NREP: variants seen among roughly 807,000 people sequenced by gnomAD.
NREP encodes neuronal regeneration-related protein.
A neutral mutation model predicts 8.6 loss-of-function variants in NREP; 5 were observed. The ratio of observed to expected loss-of-function variants is 0.58; its 90% CI spans 0.30 to 1.22. The LOEUF is 1.22. Among genes scored for constraint, NREP ranks in the 50% most tolerant of loss-of-function variants. The probability of loss-of-function intolerance (pLI) is 0.07; values close to 1 mark genes in which losing one functional copy is unlikely to be tolerated. For missense variants in NREP, 86 were observed against 82.5 expected (o/e 1.04, Z -0.17); for synonymous variants, 27 against 28.0 (o/e 0.96, Z 0.11).
chr5:111,837,841 T>C (rs942679030), intron 2 of NREP, among the ~76,000 whole-genome samples: 1 of 152,026 alleles, frequency 6.6e-6, no homozygotes, highest in African/African-American at 2.4e-5. Context: ...AAAACATAAT[T>C]TTTTCATAGA....
At chr5:111,902,495 G>A (rs963777784) in intron 2 of NREP, among the ~76,000 whole-genome samples, 2 of 152,084 alleles carry the variant, frequency 1.3e-5, no homozygotes, top group African/African-American at 2.4e-5. Flanking sequence ...TTACAGATAT[G>A]ATCCTGAAGA....
At chr5:111,785,849 G>A (rs6594538) in intron 2 of NREP, among the ~76,000 whole-genome samples, 6,286 of 152,224 alleles carry the variant, frequency 0.041, 394 homozygotes, top group African/African-American at 0.14. Context: ...TCTCTTTCCT[G>A]CCTTCCTGAG....
At chr5:111,847,490 T>C (rs1387841456) in intron 2 of NREP, among the ~76,000 whole-genome samples, 1 of 152,160 alleles carries the variant, frequency 6.6e-6, no homozygotes, top group African/African-American at 2.4e-5. Flanking sequence ...AAACAGTCCA[T>C]AGCACATATT....
chr5:111,790,347 C>CTTTTTTTTTTTT (rs57775701), intron 2 of NREP, among the ~76,000 whole-genome samples: 33 of 59,636 alleles, frequency 5.5e-4, no homozygotes, highest in Middle Eastern at 0.019. Context: ...AAAACCTTAA[C>CTTTTTTTTTTTT]TTTTTTTTTT....
At chr5:111,884,703 A>G (rs1754191057) in intron 2 of NREP, among the ~76,000 whole-genome samples, 2 of 152,236 alleles carry the variant, frequency 1.3e-5, no homozygotes, top group African/African-American at 4.8e-5. Flanking sequence ...CCAGCATATA[A>G]ACAGAACCAA....
At chr5:111,741,574 C>CT (rs1581055111) in intron 2 of NREP, among the ~76,000 whole-genome samples, 2 of 152,134 alleles carry the variant, frequency 1.3e-5, no homozygotes, top group East Asian at 3.9e-4. Context: ...TGTGCTGTCT[C>CT]TCTAGAGACG....
intron 2 of NREP, among the ~76,000 whole-genome samples, chr5:111,942,346 A>G (rs1365046365): frequency 6.6e-6 from 1 of 152,078 alleles, no homozygotes; most frequent in Non-Finnish European, 1.5e-5. Flanking sequence ...TCCATCTGAA[A>G]AGTGAAAGTC....
At chr5:111,963,990 A>C (rs926666967) in intron 2 of NREP, among the ~76,000 whole-genome samples, 24 of 152,370 alleles carry the variant, frequency 1.6e-4, no homozygotes, top group Non-Finnish European at 1.0e-4. Context: ...GTTAATAATA[A>C]TAATGCAAGC....
At chr5:111,802,410 A>G (rs1420796194) in intron 2 of NREP, among the ~76,000 whole-genome samples, 1 of 152,188 alleles carries the variant, frequency 6.6e-6, no homozygotes, top group Non-Finnish European at 1.5e-5. Flanking sequence ...CTAGTCTTGA[A>G]AACACTGGGG....
intron 2 of NREP, among the ~76,000 whole-genome samples, chr5:111,777,651 T>A (rs551874266): frequency 6.6e-6 from 1 of 152,220 alleles, no homozygotes; most frequent in South Asian, 2.1e-4. Context: ...AGCTCAATTT[T>A]TAAGTCCAAA....
intron 2 of NREP, among the ~76,000 whole-genome samples, chr5:111,824,335 C>T (rs1399719699): frequency 2.0e-5 from 3 of 152,186 alleles, no homozygotes; most frequent in Non-Finnish European, 4.4e-5. Flanking sequence ...CGCCACTGCA[C>T]TCCAGCCTGG....
At chr5:111,879,841 A>G (rs10060791) in intron 2 of NREP, among the ~76,000 whole-genome samples, 17,000 of 152,076 alleles carry the variant, frequency 0.11, 1,443 homozygotes, top group African/African-American at 0.23. Context: ...GAGAGAGAGA[A>G]AAAAAGACAG....
chr5:111,831,596 A>G (rs1752769555), intron 2 of NREP, among the ~76,000 whole-genome samples: 1 of 152,034 alleles, frequency 6.6e-6, no homozygotes, highest in South Asian at 2.1e-4. Context: ...CTTTCCTCCC[A>G]CCGGTTCACC....
chr5:111,746,431 G>T (rs1035713428), intron 2 of NREP, among the ~76,000 whole-genome samples: 1 of 152,048 alleles, frequency 6.6e-6, no homozygotes, highest in African/African-American at 2.4e-5. Context: ...AGTAAGAAAT[G>T]GAGACTCAGT....
chr5:111,880,730 CTTTTTTTTTTT>C (rs140190021), intron 2 of NREP, among the ~76,000 whole-genome samples: 1 of 92,178 alleles, frequency 1.1e-5, no homozygotes, highest in Non-Finnish European at 2.1e-5. Flanking sequence ...GAACATAAGC[CTTTTTTTTTTT>C]TTTTTTTTTT....
At chr5:111,746,022 G>A (rs1749980562) in intron 2 of NREP, among the ~76,000 whole-genome samples, 1 of 152,100 alleles carries the variant, frequency 6.6e-6, no homozygotes, top group South Asian at 2.1e-4. Context: ...GTAGAGTACT[G>A]TATTCAATCA....
chr5:111,807,545 G>A (rs751454909), intron 2 of NREP, among the ~76,000 whole-genome samples: 2 of 151,464 alleles, frequency 1.3e-5, no homozygotes, highest in Non-Finnish European at 2.9e-5. Flanking sequence ...TTAAGATAGC[G>A]GGTTTTAAAG....
intron 1 of NREP, chr5:111,756,381 T>C (rs1326249180): frequency 4.7e-6 from 2 of 424,564 alleles, no homozygotes; most frequent in Non-Finnish European, 6.2e-6. Flanking sequence ...CTAAACCAAA[T>C]AAACATTAAT....
At chr5:111,880,988 G>A (rs558855597) in intron 2 of NREP, among the ~76,000 whole-genome samples, 1 of 152,330 alleles carries the variant, frequency 6.6e-6, no homozygotes, top group East Asian at 1.9e-4. Context: ...GACAGTGGGT[G>A]CAGCGCACCG....
Sources: allele counts gnomAD v4.1 joint callset (sites outside exome capture counted in the v4.1 genomes callset), GRCh38; gene constraint gnomAD v4.1.1; transcripts MANE v1.5; gene names NCBI Gene and HGNC (gene_info 2026-07-23, HGNC 2026-07-21).